PCNX2: variants seen among roughly 807,000 people sequenced by gnomAD.
PCNX2 encodes pecanex 2.
In PCNX2, 168 loss-of-function variants were observed where a neutral mutation model predicts 223.8. The ratio of observed to expected loss-of-function variants is 0.75; its 90% CI spans 0.66 to 0.85. PCNX2 has a LOEUF of 0.85. PCNX2 is among the 40% of genes least tolerant of loss of function. The probability of loss-of-function intolerance (pLI) is 0.00; values close to 1 mark genes in which losing one functional copy is unlikely to be tolerated. For synonymous variants in PCNX2, 1,006 were observed against 1,052.6 expected, an observed-to-expected ratio of 0.96 and a Z score of 0.86; for missense variants, 2,507 against 2,675.5, an observed-to-expected ratio of 0.94 and a Z score of 1.39.
intron 8 of PCNX2, among the ~76,000 whole-genome samples, chr1:233,247,787 A>G (rs1243416702): frequency 6.6e-6 from 1 of 151,542 alleles, no homozygotes; most frequent in African/African-American, 2.4e-5. Context: ...TTGAGGCAGG[A>G]GAATCACTTG....
Position 233,253,485 on chromosome 1 carries a change from C to G in PCNX2, c.1835-697G>C, listed in dbSNP as rs1484275039. Among the ~76,000 whole-genome samples, 1 of 152,190 alleles carries G rather than the reference C, an allele frequency of 6.6e-6. No individual in the cohort carries two copies. The highest frequency in any genetic ancestry group is 1.9e-4 in the East Asian group (1 of 5,190). On this transcript the variant is annotated intron_variant, in intron 5 of 33. Coordinates refer to ENST00000258229, the MANE Select transcript of PCNX2 (RefSeq NM_014801.4). The surrounding 1 kb of genome is among the most constrained non-coding windows in gnomAD (Gnocchi z 4.2). Reference sequence around the variant, plus strand: ...TCTGCCTCCCAAGCAGCTGGGATGACAGGCACATGCCACTACATCCAGCTA... The same window carrying G: ...TCTGCCTCCCAAGCAGCTGGGATGAGAGGCACATGCCACTACATCCAGCTA...
At chr1:233,092,808 G>GT (rs112241364) in intron 22 of PCNX2, among the ~76,000 whole-genome samples, 1 of 151,690 alleles carries the variant, frequency 6.6e-6, no homozygotes, top group East Asian at 1.9e-4. Flanking sequence ...TTTTGTTTTT[G>GT]TTTTTTTTGA....
chr1:233,130,257 A>G (rs1300092764), intron 21 of PCNX2, among the ~76,000 whole-genome samples: 1 of 152,076 alleles, frequency 6.6e-6, no homozygotes, highest in Non-Finnish European at 1.5e-5. Flanking sequence ...TCATTCTTGA[A>G]ATCAGTGAGA....
intron 15 of PCNX2, among the ~76,000 whole-genome samples, chr1:233,196,309 G>A (rs1680727821): frequency 6.6e-6 from 1 of 151,758 alleles, no homozygotes; most frequent in South Asian, 2.1e-4. Flanking sequence ...TTAGGGTTAA[G>A]TAAATGTTTT....
intron 21 of PCNX2, among the ~76,000 whole-genome samples, chr1:233,097,867 A>G (rs570709760): frequency 1.3e-5 from 2 of 152,230 alleles, no homozygotes; most frequent in Non-Finnish European, 2.9e-5. Context: ...CATTAACCCA[A>G]CTAGAAGGGG....
intron 1 of PCNX2, among the ~76,000 whole-genome samples, chr1:233,264,605 TG>T (rs977221621): frequency 3.3e-5 from 5 of 152,172 alleles, no homozygotes; most frequent in Non-Finnish European, 5.9e-5. Context: ...TATTATGTCA[TG>T]GGGGGAAAAG....
chr1:233,146,881 G>A (rs1407391920), intron 19 of PCNX2, among the ~76,000 whole-genome samples: 2 of 152,178 alleles, frequency 1.3e-5, no homozygotes, highest in Non-Finnish European at 2.9e-5. Flanking sequence ...TGATTTGAGT[G>A]GAGGGACATA....
intron 15 of PCNX2, among the ~76,000 whole-genome samples, chr1:233,193,883 T>TG (rs1680562410): frequency 6.7e-6 from 1 of 148,958 alleles, no homozygotes; most frequent in Non-Finnish European, 1.5e-5. Context: ...GAAAAAAGAG[T>TG]GGAAAAAAAG....
intron 17 of PCNX2, among the ~76,000 whole-genome samples, chr1:233,165,854 C>T (rs919289615): frequency 5.3e-5 from 8 of 151,894 alleles, no homozygotes; most frequent in Admixed American, 2.0e-4. Context: ...TTTTTAGAAA[C>T]GAACATGCTA....
intron 15 of PCNX2, among the ~76,000 whole-genome samples, chr1:233,192,168 G>GAATTGA (rs1680455888): frequency 6.6e-6 from 1 of 152,060 alleles, no homozygotes; most frequent in Non-Finnish European, 1.5e-5. Context: ...TTGACTATAA[G>GAATTGA]ACAAAAGTCA....
Position 233,236,972 on chromosome 1 carries a change from T to C in PCNX2, c.2231A>G (p.Gln744Arg). ...NDCLSQAREM[Q>R]VSSSSTTTSE... is the part of the protein sequence containing the mutation. Reference sequence around the variant, plus strand: ...AGTTGTGGTACTGGAGGAGCTGACCTGCATCTCTCTGAGGATGGGCAAAAC... The same window carrying C: ...AGTTGTGGTACTGGAGGAGCTGACCCGCATCTCTCTGAGGATGGGCAAAAC... The change falls in exon 9 of 34, where the codon CAG becomes CGG. Residue 744 changes from glutamine to arginine, a missense_variant. Physicochemically the swap from Gln to Arg is conservative, Grantham distance 43 (BLOSUM62 1). Around this residue, in one of 3 missense-constraint regions of PCNX2, gnomAD observed 1,031 missense variants for 1,021.7 expected, o/e 1.01. Coordinates refer to ENST00000258229, the MANE Select transcript of PCNX2 (RefSeq NM_014801.4). 7.4e-6 allele frequency: 12 copies of C among 1,613,926 alleles called. No homozygotes were observed. The highest frequency in any genetic ancestry group is 1.0e-5 in the Non-Finnish European group (12 of 1,179,848).
chr1:233,289,986 A>ATG (rs1661666488), intron 1 of PCNX2, among the ~76,000 whole-genome samples: 1 of 151,988 alleles, frequency 6.6e-6, no homozygotes, highest in African/African-American at 2.4e-5. Flanking sequence ...GTCATCTTAT[A>ATG]TGTTAAAAGT....
intron 26 of PCNX2, among the ~76,000 whole-genome samples, chr1:233,017,739 T>C (rs1670736389): frequency 6.6e-6 from 1 of 152,216 alleles, no homozygotes; most frequent in African/African-American, 2.4e-5. Context: ...GAGACATTTC[T>C]AAAATGTCCT....
intron 17 of PCNX2, among the ~76,000 whole-genome samples, chr1:233,169,167 A>T (rs1214964749): frequency 6.7e-6 from 1 of 150,336 alleles, no homozygotes; most frequent in South Asian, 2.1e-4. Context: ...AATTATTTAA[A>T]TTTTTCCACC....
chr1:233,190,831 T>C (rs1680381779), intron 15 of PCNX2, among the ~76,000 whole-genome samples: 1 of 152,136 alleles, frequency 6.6e-6, no homozygotes, highest in South Asian at 2.1e-4. Context: ...AAAACAGAAA[T>C]AAAAGTCTCA....
intron 25 of PCNX2, chr1:233,031,703 A>G: frequency 2.1e-6 from 2 of 974,980 alleles, no homozygotes; most frequent in Non-Finnish European, 1.2e-6. Context: ...AAAGGGAGAC[A>G]GTTAAAGCCT....
At chr1:233,199,406 G>A (rs1459349506) in intron 14 of PCNX2, among the ~76,000 whole-genome samples, 2 of 152,040 alleles carry the variant, frequency 1.3e-5, no homozygotes, top group African/African-American at 4.8e-5. Context: ...GGCAGGAGGA[G>A]AGAGGAGACG....
chr1:233,312,051 C>T, the PCNX2 span, among the ~76,000 whole-genome samples: 1 of 152,070 alleles, frequency 6.6e-6, no homozygotes, highest in Non-Finnish European at 1.5e-5. Context: ...TTGCTTGAAC[C>T]CGGGAGGCGG....
intron 32 of PCNX2, among the ~76,000 whole-genome samples, chr1:232,988,067 T>C (rs1035196947): frequency 3.3e-5 from 5 of 152,216 alleles, no homozygotes; most frequent in African/African-American, 1.2e-4. Context: ...TAGTTGAATA[T>C]ATTCCTCTTA....
Sources: allele counts gnomAD v4.1 joint callset (sites outside exome capture counted in the v4.1 genomes callset), GRCh38; gene constraint gnomAD v4.1.1; regional missense constraint gnomAD v4.1.1; non-coding constraint Gnocchi (gnomAD v3.1); transcripts MANE v1.5; gene names NCBI Gene and HGNC (gene_info 2026-07-23, HGNC 2026-07-21).